SLC39A10: variants seen among roughly 807,000 people sequenced by gnomAD.
SLC39A10 encodes the protein solute carrier family 39 member 10, also known as zinc transporter ZIP10.
Under a neutral mutation model 65.1 loss-of-function variants are expected in SLC39A10, and 13 were observed. The ratio of observed to expected loss-of-function variants is 0.20; its 90% CI spans 0.13 to 0.32. The LOEUF (loss-of-function observed/expected upper bound fraction) is 0.32, where lower values mean the gene tolerates loss of function less well. Ranked by LOEUF, SLC39A10 falls within the 10% of genes least tolerant of loss-of-function variation. The pLI is 1.00. For synonymous variants in SLC39A10, 321 were observed against 342.2 expected (o/e 0.94, Z 0.68); for missense variants, 831 against 1,018.4 (o/e 0.82, Z 2.50).
chr2:195,708,586 A>G (rs1050180340), intron 4 of SLC39A10, 70 bp from the exon 5 acceptor site: 1 of 1,185,350 alleles, frequency 8.4e-7, no homozygotes, highest in African/African-American at 1.6e-5. Flanking sequence ...GATTATAATT[A>G]TTATAATTTC....
At chr2:195,678,997 AATGATGGACATGT>A (rs1254546206) in intron 1 of SLC39A10, among the ~76,000 whole-genome samples, 1 of 152,182 alleles carries the variant, frequency 6.6e-6, no homozygotes, top group Admixed American at 6.5e-5. Context: ...AACTTTCTAT[AATGATGGACATGT>A]TCTGCGTCTA....
intron 2 of SLC39A10, among the ~76,000 whole-genome samples, chr2:195,624,522 T>C (rs557190084): frequency 6.6e-6 from 1 of 151,692 alleles, no homozygotes; most frequent in African/African-American, 2.4e-5. Flanking sequence ...GTATTAAAGA[T>C]ACAAGATACG....
intron 1 of SLC39A10, among the ~76,000 whole-genome samples, chr2:195,678,026 G>A (rs945639228): frequency 3.9e-5 from 6 of 152,270 alleles, no homozygotes; most frequent in African/African-American, 1.4e-4. Context: ...GGAATTACAG[G>A]TGTGAGTCAC....
chr2:195,717,645 C>G (rs993537752), intron 7 of SLC39A10, among the ~76,000 whole-genome samples: 1 of 151,902 alleles, frequency 6.6e-6, no homozygotes, highest in Non-Finnish European at 1.5e-5. Context: ...GTCTTGAACT[C>G]CAGGCCTCAA....
At chr2:195,641,040 A>G (rs1688803036) in intron 2 of SLC39A10, among the ~76,000 whole-genome samples, 1 of 152,230 alleles carries the variant, frequency 6.6e-6, no homozygotes, top group African/African-American at 2.4e-5. Flanking sequence ...AAGATAGTAC[A>G]TTGAACAAGG....
intron 3 of SLC39A10, among the ~76,000 whole-genome samples, chr2:195,690,124 C>T (rs983125807): frequency 7.4e-5 from 9 of 121,526 alleles, no homozygotes; most frequent in African/African-American, 1.5e-4. Context: ...TGCAGTGAGC[C>T]GATATCACAC....
At chr2:195,718,217 C>A in intron 7 of SLC39A10, 35 bp from the exon 8 acceptor site, 1 of 1,559,278 alleles carries the variant, frequency 6.4e-7, no homozygotes, top group Non-Finnish European at 8.8e-7. Flanking sequence ...TTAAGATCAG[C>A]AAACCTCACT....
chr2:195,637,768 C>T (rs908604264), intron 2 of SLC39A10, among the ~76,000 whole-genome samples: 12 of 152,216 alleles, frequency 7.9e-5, no homozygotes, highest in African/African-American at 2.9e-4. Flanking sequence ...GTAGAAATGT[C>T]CACCAGGTAG....
upstream of SLC39A10, among the ~76,000 whole-genome samples, chr2:195,654,311 C>T (rs768136744): frequency 1.8e-4 from 28 of 152,296 alleles, no homozygotes; most frequent in Middle Eastern, 6.8e-3. Flanking sequence ...ATTTTCTCCT[C>T]TGTAAGAGGG....
rs557086499 is a variant in SLC39A10 at position 195,735,383 on chromosome 2, C to CA, written c.*350dup. The CA allele has an allele frequency of 6.0e-5, 10 of 166,136 alleles. No individual in the cohort carries two copies. Among genetic ancestry groups the CA allele is most frequent in the South Asian group, 2.0e-4 (1 of 4,944 alleles). The allele number at this position is 166,136 out of a possible 1,614,324, so 10.3% of individuals were successfully genotyped here. The stretch of plus-strand genomic sequence containing the variant: ...GGCTATGCAGAAATAGAGATCGAAC[C>CA]AAAAAAAATCATTTAAACTTTAAAA... On this transcript the variant is annotated 3_prime_UTR_variant, in exon 10 of 10. Coordinates refer to ENST00000359634, the MANE Select transcript of SLC39A10 (RefSeq NM_020342.3).
intron 5 of SLC39A10, among the ~76,000 whole-genome samples, chr2:195,712,506 C>T (rs1691637830): frequency 6.6e-6 from 1 of 152,182 alleles, no homozygotes; most frequent in Non-Finnish European, 1.5e-5. Flanking sequence ...TAGTTAACAG[C>T]CTATAAACAA....
chr2:195,716,451 AT>A (rs1337268201), intron 6 of SLC39A10, among the ~76,000 whole-genome samples, 185 bp from the exon 7 acceptor site: 2 of 151,940 alleles, frequency 1.3e-5, no homozygotes, highest in African/African-American at 4.8e-5. Flanking sequence ...TGTTTTGCTT[AT>A]TTTTTAATTT....
At chr2:195,693,012 T>C (rs1250069370) in intron 3 of SLC39A10, among the ~76,000 whole-genome samples, 2 of 152,206 alleles carry the variant, frequency 1.3e-5, no homozygotes, top group Admixed American at 1.3e-4. Context: ...CTCAGCAAAA[T>C]TGCTGAGGGT....
intron 8 of SLC39A10, among the ~76,000 whole-genome samples, chr2:195,718,903 GAAGT>G (rs1310555849): frequency 6.6e-6 from 1 of 151,854 alleles, no homozygotes; most frequent in Non-Finnish European, 1.5e-5. Context: ...CTTATTTTAT[GAAGT>G]AAGAAGGTTG....
intron 2 of SLC39A10, among the ~76,000 whole-genome samples, chr2:195,645,210 T>C (rs1301543005): frequency 2.6e-4 from 39 of 151,682 alleles, no homozygotes; most frequent in Non-Finnish European, 1.0e-4. Flanking sequence ...CGCCTGGCCA[T>C]CTAACTACTT....
intron 3 of SLC39A10, among the ~76,000 whole-genome samples, chr2:195,694,602 A>C (rs112178305): frequency 3.3e-5 from 5 of 152,252 alleles, no homozygotes; most frequent in African/African-American, 1.2e-4. Context: ...GGTGTGATCC[A>C]CCTTCAGGTC....
intron 1 of SLC39A10, among the ~76,000 whole-genome samples, chr2:195,667,468 A>G (rs192568881): frequency 8.6e-4 from 131 of 152,336 alleles, no homozygotes; most frequent in African/African-American, 2.7e-3. Context: ...GCCTCCTGCA[A>G]TCTAGAGCAG....
intron 5 of SLC39A10, among the ~76,000 whole-genome samples, chr2:195,710,789 A>G (rs1691578208): frequency 6.6e-6 from 1 of 152,234 alleles, no homozygotes; most frequent in Admixed American, 6.5e-5. Flanking sequence ...AACTTAGAGA[A>G]AAGTAAAAGA....
intron 8 of SLC39A10, among the ~76,000 whole-genome samples, chr2:195,723,472 T>A (rs1362279743): frequency 6.6e-6 from 1 of 152,148 alleles, no homozygotes; most frequent in Non-Finnish European, 1.5e-5. Context: ...CTTCCAGGTT[T>A]GAACTCAGGA....
Sources: gnomAD v4.1 joint callset for allele counts (sites outside exome capture counted in the v4.1 genomes callset) on GRCh38, gnomAD v4.1.1 for gene constraint, MANE v1.5 for transcripts, NCBI Gene and HGNC (gene_info 2026-07-23, HGNC 2026-07-21) for gene names.